Variants in BMP2K observed in about 807,000 individuals in gnomAD.
The protein encoded by BMP2K is BMP-2-inducible protein kinase.
BMP2K carries 74 observed loss-of-function variants against 116.0 expected under a neutral mutation model. The observed-to-expected ratio is 0.64, with a 90% CI of 0.53 to 0.77. The LOEUF (loss-of-function observed/expected upper bound fraction) is 0.77, where lower values mean the gene tolerates loss of function less well. BMP2K is among the 30% of genes least tolerant of loss of function. The pLI is 0.00. For missense variants in BMP2K, 1,365 were observed against 1,403.6 expected (o/e 0.97, Z 0.44); for synonymous variants, 486 against 502.5 (o/e 0.97, Z 0.44).
intron 3 of BMP2K, among the ~76,000 whole-genome samples, chr4:78,834,418 C>A (rs1228780980): frequency 6.6e-6 from 1 of 152,004 alleles, no homozygotes; most frequent in African/African-American, 2.4e-5. Flanking sequence ...CCCGCCACGA[C>A]GCTCGGCTAA....
chr4:78,909,875 T>G (rs888380046), intron 15 of BMP2K, among the ~76,000 whole-genome samples: 3 of 152,228 alleles, frequency 2.0e-5, no homozygotes, highest in Admixed American at 6.5e-5. Flanking sequence ...TATATTTCTT[T>G]CGTTGAATGA....
At chr4:78,864,819 T>C (rs1184356699) in intron 9 of BMP2K, among the ~76,000 whole-genome samples, 2 of 152,202 alleles carry the variant, frequency 1.3e-5, no homozygotes, top group African/African-American at 2.4e-5. Context: ...TGAGTTTTTG[T>C]ACTTAATTTA....
rs185216194 is a variant in BMP2K at position 78,878,627 on chromosome 4, A to G, written c.1794-107A>G. The G allele has an allele frequency of 5.7e-4, 527 of 924,882 alleles. 2 individuals carry two copies. The East Asian group carries it at 0.012, about 21-fold the overall frequency. The allele number at this position is 924,882 out of a possible 1,614,324, so 57.3% of individuals were successfully genotyped here. On this transcript the variant is annotated intron_variant, in intron 13 of 15. Transcript: ENST00000502613. ...CTGTCATCTCTGTCATAAGGAAATG[A>G]TTTGGTTTTCTAAGTATTTATAAAG...
intron 10 of BMP2K, among the ~76,000 whole-genome samples, chr4:78,868,097 A>G (rs1732143375): frequency 6.6e-6 from 1 of 152,162 alleles, no homozygotes; most frequent in Admixed American, 6.5e-5. Flanking sequence ...AAATGGAGTC[A>G]TACTATACAT....
chr4:78,803,242 AC>A (rs1168434560), intron 1 of BMP2K, among the ~76,000 whole-genome samples: 1 of 151,814 alleles, frequency 6.6e-6, no homozygotes, highest in Non-Finnish European at 1.5e-5. Flanking sequence ...AAATATATAT[AC>A]CCCCCTCCTT....
chr4:78,884,619 T>C (rs1256739031), intron 14 of BMP2K, among the ~76,000 whole-genome samples: 1 of 152,228 alleles, frequency 6.6e-6, no homozygotes, highest in Admixed American at 6.5e-5. Context: ...TTGTTCTTTC[T>C]CACCCCCTCT....
intron 1 of BMP2K, among the ~76,000 whole-genome samples, chr4:78,807,172 A>T (rs752360137): frequency 4.6e-5 from 7 of 151,512 alleles, no homozygotes; most frequent in East Asian, 1.9e-4. Context: ...TTATTTTCAA[A>T]TTTTTTCCCT....
intron 1 of BMP2K, among the ~76,000 whole-genome samples, chr4:78,777,362 G>C (rs1489016560): frequency 6.6e-6 from 1 of 152,192 alleles, no homozygotes; most frequent in Admixed American, 6.5e-5. Flanking sequence ...CTCCCAGTAT[G>C]TCTCTTTGAT....
chr4:78,832,978 C>T (rs958022128), intron 2 of BMP2K, among the ~76,000 whole-genome samples: 1 of 151,676 alleles, frequency 6.6e-6, no homozygotes, highest in Non-Finnish European at 1.5e-5. Context: ...GGTTATTATT[C>T]TTAACCTCAT....
intron 1 of BMP2K, among the ~76,000 whole-genome samples, chr4:78,814,241 G>A (rs774395997): frequency 2.6e-5 from 4 of 152,088 alleles, no homozygotes; most frequent in Admixed American, 6.6e-5. Context: ...TGCTCATGCC[G>A]TTGCAAATGC....
chr4:78,826,190 G>C, intron 2 of BMP2K, 35 bp downstream of exon 2: 2 of 1,546,662 alleles, frequency 1.3e-6, no homozygotes, highest in Non-Finnish European at 1.8e-6. Flanking sequence ...CAGAAATTTT[G>C]CAAGTTTTTA....
intron 8 of BMP2K, among the ~76,000 whole-genome samples, chr4:78,860,396 C>T (rs766409316): frequency 6.6e-6 from 1 of 151,862 alleles, no homozygotes; most frequent in Non-Finnish European, 1.5e-5. Context: ...TTGTCCTTAT[C>T]AGTGACTGAC....
chr4:78,863,216 T>C (rs1731878428), intron 9 of BMP2K, among the ~76,000 whole-genome samples: 1 of 152,086 alleles, frequency 6.6e-6, no homozygotes, highest in Admixed American at 6.6e-5. Context: ...TGGTTACTAA[T>C]ATAAATTTAC....
chr4:78,820,488 T>G (rs1435633593), intron 1 of BMP2K, among the ~76,000 whole-genome samples: 1 of 152,176 alleles, frequency 6.6e-6, no homozygotes, highest in Non-Finnish European at 1.5e-5. Flanking sequence ...TGAATGTGTG[T>G]GTTATATCTT....
At chr4:78,856,928 A>G (rs1002490352) in intron 7 of BMP2K, among the ~76,000 whole-genome samples, 4 of 152,110 alleles carry the variant, frequency 2.6e-5, no homozygotes, top group African/African-American at 9.7e-5. Context: ...GAGGTGCTTC[A>G]TTCTTTTTTC....
At chr4:78,855,403 G>T (rs1023929387) in intron 7 of BMP2K, among the ~76,000 whole-genome samples, 1 of 152,142 alleles carries the variant, frequency 6.6e-6, no homozygotes, top group Non-Finnish European at 1.5e-5. Flanking sequence ...ATTGTTTTGA[G>T]ACTTCTATCC....
chr4:78,786,319 T>G (rs1727722448), intron 1 of BMP2K, among the ~76,000 whole-genome samples: 1 of 152,044 alleles, frequency 6.6e-6, no homozygotes, highest in African/African-American at 2.4e-5. Flanking sequence ...ACAAGCCCTC[T>G]CCAGGCACTG....
intron 3 of BMP2K, among the ~76,000 whole-genome samples, chr4:78,839,442 G>A (rs1278733069): frequency 6.6e-6 from 1 of 152,142 alleles, no homozygotes; most frequent in Non-Finnish European, 1.5e-5. Context: ...TCAAAGAGCA[G>A]GAAATTTATC....
In BMP2K at chr4:78,911,811, G is replaced by C; in HGVS notation, c.3264G>C (p.Leu1088=). The C allele has an allele frequency of 6.2e-7, 1 of 1,613,970 alleles. No homozygotes were observed. The highest frequency in any genetic ancestry group is 8.5e-7 in the Non-Finnish European group (1 of 1,179,884). The part of the protein sequence containing the change: ...DLSWHPPHQG[L]SDIRADHNTV... ...CATGGCACCCTCCACATCAGGGCCT[G>C]AGCGACATCCGTGCTGATCACAATA... Residue 1088 remains leucine (L), a synonymous_variant, in exon 16 of 16, where the codon CTG becomes CTC. Transcript: ENST00000502613.
Sources: gnomAD v4.1 joint callset for allele counts (sites outside exome capture counted in the v4.1 genomes callset) on GRCh38, gnomAD v4.1.1 for gene constraint, MANE v1.5 for transcripts, NCBI Gene and HGNC (gene_info 2026-07-23, HGNC 2026-07-21) for gene names.